Variants in C7orf33 observed in about 807,000 individuals in gnomAD.
The protein encoded by C7orf33 is chromosome 7 open reading frame 33.
Under a neutral mutation model 13.4 loss-of-function variants are expected in C7orf33, and 15 were observed. The observed-to-expected ratio is 1.12, with a 90% confidence interval of 0.75 to 1.72. The LOEUF is 1.72. C7orf33 is among the 40% of genes most tolerant of loss of function. The pLI is 0.00. For missense variants in C7orf33, 187 were observed against 220.3 expected, an observed-to-expected ratio of 0.85 and a Z score of 0.96; for synonymous variants, 73 against 83.2, an observed-to-expected ratio of 0.88 and a Z score of 0.67.
rs1796591524 is a variant in C7orf33 at position 148,615,396 on chromosome 7, A to T, written c.529A>T (p.Ser177Cys). 6.2e-7 allele frequency: 1 copy of T among 1,610,278 alleles called. No homozygotes were observed. Among genetic ancestry groups the T allele is most frequent in the Non-Finnish European group, 8.5e-7 (1 of 1,176,488 alleles). ...EATRISRTDSS is the reference protein window; with the variant it reads ...EATRISRTDSC ...CACAAGGATTTCCAGAACTGACAGC[A>T]GTTAAGAATTTTGCAGAATCTAAGA... Residue 177 changes from serine (S) to cysteine (C), a missense_variant, in exon 3 of 3, where the codon AGT (serine) becomes TGT (cysteine). Physicochemically the swap from Ser to Cys is moderately radical, Grantham distance 112. Coordinates refer to ENST00000307003, the MANE Select transcript of C7orf33 (RefSeq NM_145304.4).
At chr7:148,597,996 C>G (rs1796361755) in intron 1 of C7orf33, among the ~76,000 whole-genome samples, 1 of 152,108 alleles carries the variant, frequency 6.6e-6, no homozygotes, top group African/African-American at 2.4e-5. Context: ...ACCTAGTGAT[C>G]CTCCCGCCTT....
At chr7:148,601,641 A>T (rs1048490595) in intron 1 of C7orf33, among the ~76,000 whole-genome samples, 11 of 151,974 alleles carry the variant, frequency 7.2e-5, no homozygotes, top group African/African-American at 2.4e-4. Flanking sequence ...GCCACCTCGG[A>T]TGGGCCTTTT....
intron 1 of C7orf33, among the ~76,000 whole-genome samples, chr7:148,593,764 C>A (rs934613556): frequency 6.6e-6 from 1 of 152,092 alleles, no homozygotes; most frequent in African/African-American, 2.4e-5. Flanking sequence ...AGACTCCCAA[C>A]TGGGATTGAC....
At chr7:148,609,148 G>C (rs1029731651) in intron 1 of C7orf33, among the ~76,000 whole-genome samples, 2 of 150,182 alleles carry the variant, frequency 1.3e-5, no homozygotes, top group Admixed American at 1.3e-4. Flanking sequence ...TGGAGAAGAG[G>C]TAGCACATCA....
intron 1 of C7orf33, among the ~76,000 whole-genome samples, chr7:148,595,611 A>ATTATATATAATATACATC (rs1796326990): frequency 7.6e-6 from 1 of 131,342 alleles, no homozygotes; most frequent in Admixed American, 8.1e-5. Flanking sequence ...TACATATTAT[A>ATTATATATAATATACATC]TATATTATAT....
At chr7:148,598,725 G>GAGAT (rs1316543409) in intron 1 of C7orf33, among the ~76,000 whole-genome samples, 2 of 24,396 alleles carry the variant, frequency 8.2e-5, no homozygotes, top group Admixed American at 9.0e-4. Flanking sequence ...TTCATTCCTG[G>GAGAT]ATATATATAT....
chr7:148,600,093 A>G (rs992363115), intron 1 of C7orf33, among the ~76,000 whole-genome samples: 3 of 150,214 alleles, frequency 2.0e-5, no homozygotes, highest in Non-Finnish European at 3.0e-5. Flanking sequence ...ACAGGCTCCA[A>G]TGGGCACAGC....
In C7orf33 at chr7:148,615,369, G is replaced by T; in HGVS notation, c.502G>T (p.Ala168Ser). 3 of 1,613,644 alleles carry T rather than the reference G, an allele frequency of 1.9e-6. No homozygotes were observed. The highest frequency in any genetic ancestry group is 2.5e-6 in the Non-Finnish European group (3 of 1,179,586). Reference sequence around the variant, plus strand: ...AAGAAAGCTCCAGAATTCTGTTGAGGCCACAAGGATTTCCAGAACTGACAG... The same window carrying T: ...AAGAAAGCTCCAGAATTCTGTTGAGTCCACAAGGATTTCCAGAACTGACAG... The part of the protein sequence containing the change: ...EVRKLQNSVE[A>S]TRISRTDSS Residue 168 changes from alanine to serine, a missense_variant, in exon 3 of 3, where the codon GCC (alanine) becomes TCC (serine). Physicochemically the swap from Ala to Ser is moderately conservative, Grantham distance 99. Transcript: ENST00000307003.
At chr7:148,593,766 G>A (rs62507015) in intron 1 of C7orf33, among the ~76,000 whole-genome samples, 12,034 of 152,176 alleles carry the variant, frequency 0.079, 629 homozygotes, top group South Asian at 0.25. Flanking sequence ...ACTCCCAACT[G>A]GGATTGACAG....
At position 148,591,075 on chromosome 7, in the gene C7orf33, C is replaced by T. The variant is rs745483086; in HGVS notation, c.150C>T (p.His50=). ...LSGRAVAVWV[H]VRGGPGQFNL... The stretch of plus-strand genomic sequence containing the variant: ...GGAGGGCAGTCGCTGTTTGGGTCCA[C>T]GTTAGGGGCGGTCCAGGTCAATTTA... The change falls in exon 1 of 3, where the codon CAC becomes CAT. Residue 50 remains histidine (H), a synonymous_variant. Transcript: ENST00000307003. 12 of 1,613,802 alleles carry T rather than the reference C, an allele frequency of 7.4e-6. No individual in the cohort carries two copies. The highest frequency in any genetic ancestry group is 1.0e-5 in the Non-Finnish European group (12 of 1,179,996).
In C7orf33 at chr7:148,591,045, G is replaced by A. The variant is rs539305324; in HGVS notation, c.120G>A (p.Leu40=). Residue 40 remains leucine (L), a synonymous_variant, in exon 1 of 3, where the codon CTG becomes CTA. Transcript: ENST00000307003. The part of the protein sequence containing the change: ...SGARRRIDLR[L]SGRAVAVWVH... ...CAAGGCGCCGGATTGACCTTCGCCT[G>A]AGTGGGAGGGCAGTCGCTGTTTGGG... 3.1e-6 allele frequency: 5 copies of A among 1,614,170 alleles called. No homozygotes were observed.
chr7:148,595,757 A>G (rs1278755418), intron 1 of C7orf33, among the ~76,000 whole-genome samples: 1 of 143,740 alleles, frequency 7.0e-6, no homozygotes, highest in Non-Finnish European at 1.5e-5. Flanking sequence ...TATAATATAT[A>G]TATATATCTA....
intron 1 of C7orf33, among the ~76,000 whole-genome samples, chr7:148,606,932 ATAC>A (rs1468728749): frequency 6.5e-5 from 8 of 123,458 alleles, no homozygotes; most frequent in African/African-American, 2.5e-4. Context: ...TAAAAAAAAA[ATAC>A]ACACACACAC....
chr7:148,607,640 G>A (rs1465450778), intron 1 of C7orf33, among the ~76,000 whole-genome samples: 2 of 152,016 alleles, frequency 1.3e-5, no homozygotes, highest in Non-Finnish European at 2.9e-5. Context: ...GAAGACCACA[G>A]CCTTTAGAAA....
intron 1 of C7orf33, among the ~76,000 whole-genome samples, chr7:148,613,136 T>C (rs6464915): frequency 0.58 from 88,259 of 151,996 alleles, 26,115 homozygotes; most frequent in African/African-American, 0.67. Flanking sequence ...AGCCTCTCCC[T>C]GGAGTCTCCT....
intron 1 of C7orf33, 32 bp downstream of exon 1, chr7:148,591,161 C>T (rs764130769): frequency 1.7e-5 from 26 of 1,518,002 alleles, no homozygotes; most frequent in Middle Eastern, 3.4e-4. Context: ...GAATCAACTG[C>T]TCTTTGAGTC....
chr7:148,606,933 T>TACACACACACACACACACACACAC (rs112000703), intron 1 of C7orf33, among the ~76,000 whole-genome samples: 2 of 139,232 alleles, frequency 1.4e-5, no homozygotes, highest in South Asian at 2.4e-4. Flanking sequence ...AAAAAAAAAA[T>TACACACACACACACACACACACAC]ACACACACAC....
chr7:148,611,526 C>T (rs1398926074), intron 1 of C7orf33, among the ~76,000 whole-genome samples: 1 of 152,164 alleles, frequency 6.6e-6, no homozygotes, highest in African/African-American at 2.4e-5. Context: ...TTATTTCCCC[C>T]ACCCCTTCAA....
chr7:148,606,293 A>G (rs1466781038), intron 1 of C7orf33, among the ~76,000 whole-genome samples: 2 of 152,248 alleles, frequency 1.3e-5, no homozygotes, highest in East Asian at 3.8e-4. Flanking sequence ...AAAATAAATG[A>G]CATGGATCTT....
Sources: allele counts gnomAD v4.1 joint callset (sites outside exome capture counted in the v4.1 genomes callset), GRCh38; gene constraint gnomAD v4.1.1; transcripts MANE v1.5; gene names NCBI Gene and HGNC (gene_info 2026-07-23, HGNC 2026-07-21).